Variants in VPS13B observed in about 807,000 individuals in gnomAD.
VPS13B encodes intermembrane lipid transfer protein VPS13B.
Under a neutral mutation model 426.4 loss-of-function variants are expected in VPS13B, and 285 were observed. The observed-to-expected ratio is 0.67, with a 90% confidence interval of 0.61 to 0.74. The LOEUF (loss-of-function observed/expected upper bound fraction) is 0.74, where lower values mean the gene tolerates loss of function less well. Ranked by LOEUF, VPS13B falls within the 30% of genes least tolerant of loss-of-function variation. The pLI, the probability that VPS13B is intolerant of heterozygous loss-of-function variation, is 0.00. For missense variants in VPS13B, 4,537 were observed against 4,782.6 expected (o/e 0.95, Z 1.51); for synonymous variants, 1,676 against 1,676.4 (o/e 1.00, Z 0.01).
intron 2 of VPS13B, among the ~76,000 whole-genome samples, chr8:99,014,614 T>C (rs1362438206): frequency 2.0e-5 from 3 of 151,414 alleles, no homozygotes; most frequent in African/African-American, 7.3e-5. Context: ...CACATTCTCA[T>C]TCTCCTTTTT....
intron 44 of VPS13B, among the ~76,000 whole-genome samples, chr8:99,810,590 T>C (rs1005781513): frequency 6.6e-6 from 1 of 151,846 alleles, no homozygotes; most frequent in East Asian, 1.9e-4. Context: ...AGCAGAGGAG[T>C]CTCAGAAAAG....
chr8:99,401,822 C>T lies in VPS13B; in HGVS notation c.3082+10118C>T, dbSNP rs866541889. On this transcript the variant is annotated intron_variant, in intron 21 of 61. Coordinates refer to ENST00000357162, the MANE Select transcript of VPS13B (RefSeq NM_152564.5). ...TGGAGGTTGCAGTGAGCCGAGATCG[C>T]GCCACTGCACCCAACCTGGGCTACA... is the stretch of plus-strand genomic sequence containing the variant. Among the ~76,000 whole-genome samples the T allele has an allele frequency of 9.2e-5, 14 of 152,208 alleles. 1 individual carries two copies. The highest frequency in any genetic ancestry group is 3.4e-3 in the Middle Eastern group (1 of 294).
At position 99,103,079 on chromosome 8, in the gene VPS13B, C is replaced by T. The variant is rs1448614713; in HGVS notation, c.539C>T (p.Thr180Ile). ...AATATCACTTCTGCAGAATGTTATACAGTAGGTGAATTATGGGATCGTGCA... is the reference window on the plus strand; with the variant it reads ...AATATCACTTCTGCAGAATGTTATATAGTAGGTGAATTATGGGATCGTGCA... ...SVNITSAECY[T>I]VGELWDRAFM... Residue 180 changes from threonine (T) to isoleucine (I), a missense_variant, in exon 5 of 62, where the codon ACA (threonine) becomes ATA (isoleucine). Coordinates refer to ENST00000357162, the MANE Select transcript of VPS13B (RefSeq NM_152564.5). 4 of 1,613,830 alleles carry T rather than the reference C, an allele frequency of 2.5e-6. No homozygotes were observed. The South Asian group carries it at 4.4e-5, about 18-fold the overall frequency.
chr8:99,618,085 C>G (rs746263141), intron 33 of VPS13B, among the ~76,000 whole-genome samples: 3 of 152,088 alleles, frequency 2.0e-5, no homozygotes, highest in Non-Finnish European at 2.9e-5. Flanking sequence ...TTTGCTCCGT[C>G]AGTACCATGC....
chr8:99,857,105 T>C lies in VPS13B; in HGVS notation c.10868-2199T>C, dbSNP rs77636015. ...AGGGCAATAAAGGAGTACCCTTGGA[T>C]CTGTCTGCCCTTTTCTGACCAGCTA... On this transcript the variant is annotated intron_variant, in intron 56 of 61. Transcript: ENST00000357162. Among the ~76,000 whole-genome samples the C allele has an allele frequency of 2.2e-4, 34 of 152,280 alleles. No individual in the cohort carries two copies. In the East Asian group the frequency reaches 6.4e-3, roughly 29 times the overall value.
At chr8:99,862,374 G>A (rs906261668) in intron 58 of VPS13B, among the ~76,000 whole-genome samples, 9 of 152,168 alleles carry the variant, frequency 5.9e-5, no homozygotes, top group African/African-American at 1.9e-4. Flanking sequence ...CAAATGTCAC[G>A]TAAACTTCAG....
At position 99,818,443 on chromosome 8, in the gene VPS13B, A is replaced by C. The variant is rs767065362; in HGVS notation, c.8362-8A>C. The C allele has an allele frequency of 8.1e-6, 13 of 1,613,708 alleles. No individual in the cohort carries two copies. In the African/African-American group the frequency reaches 1.7e-4, roughly 22 times the overall value. ...ATTCAATAGGACCCTTTGCTATTTC[A>C]TGTGCAGGTGCCATCTTCAAACAGT... On this transcript the variant is annotated splice_region_variant and splice_polypyrimidine_tract_variant and intron_variant, in intron 45 of 61. Transcript: ENST00000357162.
chr8:99,245,448 G>C (rs1187744651), intron 17 of VPS13B, among the ~76,000 whole-genome samples: 2 of 152,212 alleles, frequency 1.3e-5, no homozygotes, highest in Non-Finnish European at 2.9e-5. Context: ...GAACTCAGAA[G>C]TAATCTGAAT....
At chr8:99,468,102 T>A (rs1819206379) in intron 24 of VPS13B, among the ~76,000 whole-genome samples, 1 of 152,160 alleles carries the variant, frequency 6.6e-6, no homozygotes, top group South Asian at 2.1e-4. Context: ...CTGCACCCGT[T>A]AACTCATCAT....
intron 39 of VPS13B, among the ~76,000 whole-genome samples, chr8:99,762,036 T>A (rs78936068): frequency 6.6e-6 from 1 of 152,202 alleles, no homozygotes; most frequent in East Asian, 1.9e-4. Flanking sequence ...GTTTTTTTTT[T>A]ATTTTTTTGA....
chr8:99,713,855 A>G (rs1296361178), intron 36 of VPS13B, among the ~76,000 whole-genome samples: 1 of 152,188 alleles, frequency 6.6e-6, no homozygotes, highest in Non-Finnish European at 1.5e-5. Context: ...AATGATTGGC[A>G]TAGGCCAGGT....
chr8:99,055,900 ATTTT>A (rs71273158), intron 3 of VPS13B, among the ~76,000 whole-genome samples: 9 of 107,824 alleles, frequency 8.3e-5, no homozygotes, highest in Admixed American at 9.4e-5. Flanking sequence ...TGGCTAATTA[ATTTT>A]TTTTTTTTTT....
chr8:99,767,260 G>A (rs1811272221), intron 40 of VPS13B, among the ~76,000 whole-genome samples: 1 of 151,692 alleles, frequency 6.6e-6, no homozygotes, highest in South Asian at 2.1e-4. Context: ...AAAAAGTCTA[G>A]TCATCTTCAA....
chr8:99,600,132 A>G (rs1827213446), intron 33 of VPS13B, among the ~76,000 whole-genome samples: 1 of 152,152 alleles, frequency 6.6e-6, no homozygotes, highest in Admixed American at 6.6e-5. Flanking sequence ...CCATAACACC[A>G]TAACACCAGC....
intron 17 of VPS13B, among the ~76,000 whole-genome samples, chr8:99,204,162 T>C (rs528689028): frequency 1.3e-5 from 2 of 152,210 alleles, no homozygotes; most frequent in East Asian, 1.9e-4. Context: ...AAAACAGATA[T>C]ATAGAACAAT....
intron 3 of VPS13B, among the ~76,000 whole-genome samples, chr8:99,039,987 A>T (rs1842905773): frequency 6.6e-6 from 1 of 152,138 alleles, no homozygotes; most frequent in African/African-American, 2.4e-5. Flanking sequence ...AGTTGGTAAT[A>T]CTTAAATGTT....
At chr8:99,463,728 T>A (rs1656493984) in intron 23 of VPS13B, among the ~76,000 whole-genome samples, 1 of 152,186 alleles carries the variant, frequency 6.6e-6, no homozygotes, top group African/African-American at 2.4e-5. Flanking sequence ...GTTTCGCTCT[T>A]GTTGCCCAGG....
chr8:99,218,113 G>A (rs1334113189), intron 17 of VPS13B, among the ~76,000 whole-genome samples: 2 of 152,152 alleles, frequency 1.3e-5, no homozygotes, highest in African/African-American at 4.8e-5. Context: ...TGGTCAGAGT[G>A]GAATCCTGAG....
chr8:99,824,015 G>T, intron 51 of VPS13B, 37 bp downstream of exon 51: 1 of 1,604,384 alleles, frequency 6.2e-7, no homozygotes, highest in South Asian at 1.1e-5. Flanking sequence ...TCTAAGTTTT[G>T]ATAAAGAAAC....
Sources: gnomAD v4.1 joint callset for allele counts (sites outside exome capture counted in the v4.1 genomes callset) on GRCh38, gnomAD v4.1.1 for gene constraint, MANE v1.5 for transcripts, NCBI Gene and HGNC (gene_info 2026-07-23, HGNC 2026-07-21) for gene names.